The following SPON1 variants were observed in gnomAD, a reference collection of about 807,000 sequenced individuals.
SPON1 encodes the protein spondin 1.
In SPON1, 52 loss-of-function variants were observed where a neutral mutation model predicts 111.7. The ratio of observed to expected loss-of-function variants is 0.47; its 90% confidence interval spans 0.37 to 0.59. SPON1 has a LOEUF of 0.59. Ranked by LOEUF, SPON1 falls within the 20% of genes least tolerant of loss-of-function variation. The pLI is 0.00. For synonymous variants in SPON1, 410 were observed against 395.8 expected, an observed-to-expected ratio of 1.04 and a Z score of -0.43; for missense variants, 957 against 1,068.5, an observed-to-expected ratio of 0.90 and a Z score of 1.46.
intron 6 of SPON1, among the ~76,000 whole-genome samples, chr11:14,185,132 A>G (rs1399478461): frequency 2.0e-5 from 3 of 152,214 alleles, no homozygotes; most frequent in Non-Finnish European, 4.4e-5. Flanking sequence ...TGCCAATGCA[A>G]TGCACATGCT....
At chr11:14,064,799 G>A (rs1345930710) in intron 3 of SPON1, among the ~76,000 whole-genome samples, 1 of 152,122 alleles carries the variant, frequency 6.6e-6, no homozygotes, top group African/African-American at 2.4e-5. Flanking sequence ...GAGACCATTA[G>A]GAGGTTACTG....
At chr11:14,159,564 T>C (rs1847886762) in intron 6 of SPON1, among the ~76,000 whole-genome samples, 1 of 152,074 alleles carries the variant, frequency 6.6e-6, no homozygotes, top group African/African-American at 2.4e-5. Context: ...AATCAGTATA[T>C]CAAAGAGATA....
intron 6 of SPON1, among the ~76,000 whole-genome samples, chr11:14,138,168 A>G (rs1554928352): frequency 6.6e-6 from 1 of 152,206 alleles, no homozygotes; most frequent in African/African-American, 2.4e-5. Context: ...GAAAATAAAA[A>G]GCCCTCTTTT....
intron 6 of SPON1, among the ~76,000 whole-genome samples, chr11:14,238,511 G>A (rs1848890445): frequency 6.6e-6 from 1 of 152,136 alleles, no homozygotes; most frequent in Non-Finnish European, 1.5e-5. Context: ...TCAGCGTGGG[G>A]TAAGATTGGT....
At chr11:14,152,950 G>C (rs1477909938) in intron 6 of SPON1, among the ~76,000 whole-genome samples, 2 of 152,112 alleles carry the variant, frequency 1.3e-5, no homozygotes, top group Admixed American at 1.3e-4. Flanking sequence ...CCAAATTCGA[G>C]TAAATATATA....
intron 5 of SPON1, among the ~76,000 whole-genome samples, chr11:14,086,885 G>A (rs1299335176): frequency 1.3e-5 from 2 of 152,152 alleles, no homozygotes; most frequent in Non-Finnish European, 2.9e-5. Context: ...GAGGGTGTAT[G>A]TGTCCAGGAA....
rs1848155351 is a variant in SPON1, at chr11:13,982,911, CAG to C, written c.308_309del (p.Glu103GlyfsTer2). 1.3e-6 allele frequency: 2 copies of C among 1,559,386 alleles called. No individual in the cohort carries two copies. Among genetic ancestry groups the C allele is most frequent in the Non-Finnish European group, 1.7e-6 (2 of 1,150,770 alleles). On this transcript the variant is annotated frameshift_variant, in exon 2 of 16. Transcript: ENST00000576479. LOFTEE classifies it high-confidence loss of function. ...TCACATTAATTGCCCTCAGAGAGAACAGAGAGGGTGATAAGGAAGAAGACCAT... is the reference window on the plus strand; with the variant it reads ...TCACATTAATTGCCCTCAGAGAGAACAGAGGGTGATAAGGAAGAAGACCAT... Reference protein sequence around the residue: ...GFTLIALRENREGDKEEDHAG... With the variant: ...GFTLIALRENXEGDKEEDHAG...
At position 14,045,563 on chromosome 11, in the gene SPON1, G is replaced by A. The variant is rs1038895566; in HGVS notation, c.479+3909G>A. ...ACTGCCATTCAGTCTGGGGGACAGAGTGAGACTCCATCTAAAAAATAATAA... is the reference window on the plus strand; with the variant it reads ...ACTGCCATTCAGTCTGGGGGACAGAATGAGACTCCATCTAAAAAATAATAA... On this transcript the variant is annotated intron_variant, in intron 3 of 15. Coordinates refer to ENST00000576479, the MANE Select transcript of SPON1 (RefSeq NM_006108.4). 5.3e-5 allele frequency among the ~76,000 whole-genome samples: 8 copies of A among 151,608 alleles called. No individual in the cohort carries two copies. In the East Asian group the frequency reaches 7.7e-4, roughly 15 times the overall value.
intron 5 of SPON1, among the ~76,000 whole-genome samples, chr11:14,089,562 G>A (rs1849033447): frequency 2.0e-5 from 3 of 152,346 alleles, no homozygotes; most frequent in South Asian, 4.1e-4. Context: ...TGTATGAGGT[G>A]TCTGTCAACC....
At chr11:14,031,549 GAAAC>G (rs1257402996) in intron 2 of SPON1, among the ~76,000 whole-genome samples, 1 of 151,928 alleles carries the variant, frequency 6.6e-6, no homozygotes, top group African/African-American at 2.4e-5. Context: ...AATGGAAAAA[GAAAC>G]AAGACACATT....
intron 6 of SPON1, among the ~76,000 whole-genome samples, chr11:14,224,160 T>C (rs1478620455): frequency 6.6e-6 from 1 of 152,024 alleles, no homozygotes; most frequent in Non-Finnish European, 1.5e-5. Flanking sequence ...GGAAGAGGGA[T>C]AGAGAGAGGA....
At chr11:14,043,351 T>G (rs937266320) in intron 3 of SPON1, among the ~76,000 whole-genome samples, 1 of 152,190 alleles carries the variant, frequency 6.6e-6, no homozygotes, top group African/African-American at 2.4e-5. Flanking sequence ...GAGGGCATAT[T>G]TGGCTTCCTC....
chr11:14,100,172 A>G (rs1591375511), intron 5 of SPON1, among the ~76,000 whole-genome samples: 1 of 148,502 alleles, frequency 6.7e-6, no homozygotes, highest in Non-Finnish European at 1.5e-5. Context: ...AACCTAGCTT[A>G]TGTTGACTTT....
intron 3 of SPON1, among the ~76,000 whole-genome samples, chr11:14,061,633 A>G (rs1848791559): frequency 6.6e-6 from 1 of 152,234 alleles, no homozygotes; most frequent in South Asian, 2.1e-4. Context: ...CAGACTATTT[A>G]ATGTAGATTA....
chr11:14,218,522 C>T (rs1848648783), intron 6 of SPON1, among the ~76,000 whole-genome samples: 1 of 152,178 alleles, frequency 6.6e-6, no homozygotes, highest in Admixed American at 6.5e-5. Context: ...ACTTAATAGA[C>T]ACCTAATAAA....
intron 6 of SPON1, among the ~76,000 whole-genome samples, chr11:14,205,816 T>C (rs1346576694): frequency 2.0e-5 from 3 of 152,202 alleles, no homozygotes; most frequent in African/African-American, 7.2e-5. Context: ...TGGCTCAGGG[T>C]CTCACACCTT....
intron 5 of SPON1, among the ~76,000 whole-genome samples, chr11:14,090,321 G>A (rs1023925753): frequency 3.3e-5 from 5 of 152,114 alleles, no homozygotes; most frequent in African/African-American, 9.7e-5. Flanking sequence ...CTTGGTCTGC[G>A]GATTGCAAAA....
chr11:14,206,806 T>G (rs1848521908), intron 6 of SPON1, among the ~76,000 whole-genome samples: 1 of 152,198 alleles, frequency 6.6e-6, no homozygotes, highest in Non-Finnish European at 1.5e-5. Flanking sequence ...ACAGCCACAC[T>G]GCCCAAAGCA....
intron 6 of SPON1, among the ~76,000 whole-genome samples, chr11:14,175,278 A>T (rs1308628383): frequency 6.6e-6 from 1 of 152,220 alleles, no homozygotes; most frequent in Non-Finnish European, 1.5e-5. Flanking sequence ...ACTAACTATG[A>T]CAAGAACCCC....
Sources: gnomAD v4.1 joint callset for allele counts (sites outside exome capture counted in the v4.1 genomes callset) on GRCh38, gnomAD v4.1.1 for gene constraint, MANE v1.5 for transcripts, NCBI Gene and HGNC (gene_info 2026-07-23, HGNC 2026-07-21) for gene names.